Variants in UFM1 observed in about 807,000 individuals in gnomAD.
UFM1 encodes ubiquitin fold modifier 1.
Under a neutral mutation model 15.4 loss-of-function variants are expected in UFM1, and 9 were observed. The observed-to-expected ratio is 0.59, with a 90% CI of 0.35 to 1.02. UFM1 has a LOEUF of 1.02. Ranked by LOEUF, UFM1 falls within the 50% of genes least tolerant of loss-of-function variation. The pLI, the probability that UFM1 is intolerant of heterozygous loss-of-function variation, is 0.02. For synonymous variants in UFM1, 27 were observed against 36.3 expected (o/e 0.74, Z 0.92); for missense variants, 98 against 104.7 (o/e 0.94, Z 0.28).
In UFM1 at chr13:38,363,032, T is replaced by C. The variant is rs1879494204; in HGVS notation, c.*2254T>C. ...TATTGTCTGTTCTTATTATTAGAGC[T>C]CTTAATCAGCACACCTTTTGAGTCA... On this transcript the variant is annotated 3_prime_UTR_variant, in exon 6 of 6. Transcript: ENST00000239878. The C allele has an allele frequency of 6.6e-6, 1 of 152,220 alleles. No homozygotes were observed. The highest frequency in any genetic ancestry group is 1.5e-5 in the Non-Finnish European group (1 of 68,028). The allele number at this position is 152,220 out of a possible 1,614,324, so 9.4% of individuals were successfully genotyped here.
chr13:38,351,869 G>A (rs1259634604), intron 2 of UFM1, among the ~76,000 whole-genome samples: 2 of 151,926 alleles, frequency 1.3e-5, no homozygotes, highest in African/African-American at 4.8e-5. Flanking sequence ...ATAAGGATGT[G>A]TGTGTGGAAA....
At chr13:38,357,950 T>A in intron 3 of UFM1, 143 bp from the exon 4 acceptor site, 3 of 378,380 alleles carry the variant, frequency 7.9e-6, no homozygotes, top group Non-Finnish European at 1.4e-5. Flanking sequence ...CTTTCCTTGA[T>A]AGTTTCACTT....
chr13:38,351,485 C>T (rs1357697081), intron 2 of UFM1, among the ~76,000 whole-genome samples: 1 of 152,174 alleles, frequency 6.6e-6, no homozygotes, highest in African/African-American at 2.4e-5. Flanking sequence ...CAATGTAAAC[C>T]TACCACTACA....
In UFM1 at chr13:38,352,112, T is replaced by C. The variant is rs867816656; in HGVS notation, c.59+2057T>C. 2.1e-3 allele frequency among the ~76,000 whole-genome samples: 319 copies of C among 150,048 alleles called. 4 individuals are homozygous for C. Among genetic ancestry groups the C allele is most frequent in the African/African-American group, 7.4e-3 (305 of 41,044 alleles). Reference sequence around the variant, plus strand: ...TTTTTTTCTTTCTTTCTTTTTTTTTTTTTTTTTGTGAAACAAAGTCTCGCT... The same window carrying C: ...TTTTTTTCTTTCTTTCTTTTTTTTTCTTTTTTTGTGAAACAAAGTCTCGCT... On this transcript the variant is annotated intron_variant, in intron 2 of 5. Transcript: ENST00000239878.
At chr13:38,357,518 T>TTG (rs1378743374) in intron 3 of UFM1, among the ~76,000 whole-genome samples, 2 of 151,358 alleles carry the variant, frequency 1.3e-5, no homozygotes, top group African/African-American at 4.8e-5. Context: ...ACAGGGTTTT[T>TTG]TTTTTACAGA....
At chr13:38,351,010 C>G (rs1878823792) in intron 2 of UFM1, among the ~76,000 whole-genome samples, 1 of 152,192 alleles carries the variant, frequency 6.6e-6, no homozygotes, top group African/African-American at 2.4e-5. Flanking sequence ...TAAATACATT[C>G]TCTCCTACAT....
chr13:38,351,963 C>T (rs991186616), intron 2 of UFM1, among the ~76,000 whole-genome samples: 1 of 152,076 alleles, frequency 6.6e-6, no homozygotes, highest in Non-Finnish European at 1.5e-5. Flanking sequence ...TACTTGGGTA[C>T]TTGACAAGCT....
intron 4 of UFM1, 132 bp from the exon 5 acceptor site, chr13:38,359,169 T>G: frequency 1.6e-6 from 1 of 638,948 alleles, no homozygotes; most frequent in South Asian, 2.2e-5. Context: ...GTCACTCGTG[T>G]TCTTGGATTT....
At chr13:38,353,316 T>C (rs1437325081) in intron 2 of UFM1, among the ~76,000 whole-genome samples, 3 of 152,154 alleles carry the variant, frequency 2.0e-5, no homozygotes, top group African/African-American at 7.2e-5. Flanking sequence ...TAGAGAAGTT[T>C]CAGTGAGAAA....
rs1879353459 is a variant in UFM1, at chr13:38,360,982, A to G, written c.*204A>G. The G allele has an allele frequency of 2.4e-6, 1 of 420,138 alleles. No homozygotes were observed. Among genetic ancestry groups the G allele is most frequent in the Non-Finnish European group, 4.2e-6 (1 of 235,848 alleles). 26.0% of individuals were successfully genotyped at this position (420,138 alleles called of 1,614,324 possible). A position where few individuals can be genotyped will look rare whatever the true frequency, so the allele number is the denominator to read the frequency against. ...TATGAATTAAGGCTACTACTGTCAC[A>G]GAAGATCATAGTCTTTGATGCTACC... On this transcript the variant is annotated 3_prime_UTR_variant, in exon 6 of 6. Coordinates refer to ENST00000239878, the MANE Select transcript of UFM1 (RefSeq NM_016617.4).
intron 2 of UFM1, among the ~76,000 whole-genome samples, chr13:38,352,992 C>T (rs1018737058): frequency 2.6e-5 from 4 of 152,168 alleles, no homozygotes; most frequent in African/African-American, 4.8e-5. Flanking sequence ...ATTGCCAGTT[C>T]GTTAGTTTTT....
In UFM1 at chr13:38,350,050, C is replaced by T. The variant is rs766657101; in HGVS notation, c.54C>T (p.Tyr18=). 1.3e-5 allele frequency: 21 copies of T among 1,614,124 alleles called. No individual in the cohort carries two copies. In the South Asian group the frequency reaches 2.2e-4, roughly 17 times the overall value. ...ITLTSDPRLP[Y]KVLSVPESTP... ...TGACGTCGGACCCACGGCTGCCGTA[C>T]AAAGTGTGAGTAGCTCGGCCGAGAT... The change falls in exon 2 of 6, where the codon TAC becomes TAT. Residue 18 remains tyrosine (Y), a synonymous_variant. Transcript: ENST00000239878.
At chr13:38,357,059 C>T (rs1350071888) in intron 3 of UFM1, among the ~76,000 whole-genome samples, 2 of 151,796 alleles carry the variant, frequency 1.3e-5, no homozygotes, top group Non-Finnish European at 2.9e-5. Flanking sequence ...TCAGGGGAGG[C>T]TTGCTATCAC....
chr13:38,353,233 T>A (rs535061290), intron 2 of UFM1, among the ~76,000 whole-genome samples: 52 of 152,280 alleles, frequency 3.4e-4, no homozygotes, highest in African/African-American at 1.2e-3. Flanking sequence ...GTGAGGAGCC[T>A]GGGCATATAC....
At chr13:38,353,523 G>A (rs2140053388) in intron 2 of UFM1, among the ~76,000 whole-genome samples, 1 of 151,556 alleles carries the variant, frequency 6.6e-6, no homozygotes, top group Middle Eastern at 3.4e-3. Context: ...GATTGACCCT[G>A]GGACTAAGTC....
chr13:38,351,643 T>G (rs566232627), intron 2 of UFM1, among the ~76,000 whole-genome samples: 3 of 152,338 alleles, frequency 2.0e-5, no homozygotes, highest in Non-Finnish European at 4.4e-5. Flanking sequence ...TCCTCATGAT[T>G]GGTTTTTCCC....
chr13:38,353,810 C>G lies in UFM1; in HGVS notation c.60-429C>G, dbSNP rs114855338. 6.6e-3 allele frequency among the ~76,000 whole-genome samples: 1,000 copies of G among 152,050 alleles called. 8 individuals are homozygous for G. Among genetic ancestry groups the G allele is most frequent in the African/African-American group, 0.023 (945 of 41,488 alleles). On this transcript the variant is annotated intron_variant, in intron 2 of 5. Coordinates refer to ENST00000239878, the MANE Select transcript of UFM1 (RefSeq NM_016617.4). ...TGATCCAGTGATGCTTCCCAAGTAG[C>G]CTTCTACTTATAATGAAAATGATAA... is the stretch of plus-strand genomic sequence containing the variant.
chr13:38,350,004 A>AG lies in UFM1; in HGVS notation c.10dup (p.Val4GlyfsTer4), dbSNP rs750255338. ...TCTCCCGCTCTTTTCCTCAGGTCGA[A>AG]GGTTTCCTTTAAGATCACGCTGACG... On this transcript the variant is annotated frameshift_variant, in exon 2 of 6. Coordinates refer to ENST00000239878, the MANE Select transcript of UFM1 (RefSeq NM_016617.4). LOFTEE classifies it high-confidence loss of function. 6.2e-7 allele frequency: 1 copy of AG among 1,614,144 alleles called. No individual in the cohort carries two copies. Among genetic ancestry groups the AG allele is most frequent in the South Asian group, 1.1e-5 (1 of 91,082 alleles).
chr13:38,360,638 T>C, intron 5 of UFM1, 73 bp from the exon 6 acceptor site: 2 of 1,146,836 alleles, frequency 1.7e-6, no homozygotes, highest in South Asian at 1.5e-5. Context: ...ATTTATTATA[T>C]TTAATAATTG....
Sources: allele counts gnomAD v4.1 joint callset (sites outside exome capture counted in the v4.1 genomes callset), GRCh38; gene constraint gnomAD v4.1.1; transcripts MANE v1.5; gene names NCBI Gene and HGNC (gene_info 2026-07-23, HGNC 2026-07-21).